SPAG9: variants seen among roughly 807,000 people sequenced by gnomAD.
The protein encoded by SPAG9 is C-Jun-amino-terminal kinase-interacting protein 4.
In SPAG9, 35 loss-of-function variants were observed where a neutral mutation model predicts 166.5. That is an observed-to-expected ratio of 0.21 (90% CI 0.16 to 0.28). The LOEUF (loss-of-function observed/expected upper bound fraction) is 0.28. Among genes scored for constraint, SPAG9 ranks in the 10% least tolerant of loss-of-function variants. The pLI is 1.00. For missense variants in SPAG9, 1,235 were observed against 1,603.3 expected (o/e 0.77, Z 3.92); for synonymous variants, 534 against 565.5 (o/e 0.94, Z 0.79).
At chr17:51,068,953 G>C (rs1011858426) in intron 2 of SPAG9, among the ~76,000 whole-genome samples, 1 of 152,104 alleles carries the variant, frequency 6.6e-6, no homozygotes, top group Non-Finnish European at 1.5e-5. Context: ...AGTAATGTTA[G>C]TGTTTGCAAA....
intron 1 of SPAG9, among the ~76,000 whole-genome samples, chr17:51,112,198 T>C (rs1028166669): frequency 1.3e-5 from 2 of 151,950 alleles, no homozygotes; most frequent in African/African-American, 4.8e-5. Context: ...CAGGGGCATA[T>C]CTCTATCTAC....
At chr17:51,119,033 C>CAAAAAAA (rs3079111) in intron 1 of SPAG9, among the ~76,000 whole-genome samples, 1 of 96,260 alleles carries the variant, frequency 1.0e-5, no homozygotes, top group Non-Finnish European at 2.0e-5. Context: ...GACTACGTCT[C>CAAAAAAA]AAAAAAAAAA....
chr17:51,045,308 T>C (rs1447302495), intron 4 of SPAG9, among the ~76,000 whole-genome samples: 1 of 152,190 alleles, frequency 6.6e-6, no homozygotes, highest in Non-Finnish European at 1.5e-5. Flanking sequence ...TATTCTTAAG[T>C]TCAGTTGCTT....
intron 3 of SPAG9, among the ~76,000 whole-genome samples, chr17:51,052,244 G>A (rs2047203033): frequency 1.3e-5 from 2 of 152,136 alleles, no homozygotes; most frequent in Admixed American, 6.5e-5. Context: ...TCCTTTCCCT[G>A]AATGTTTTCA....
chr17:51,080,192 T>C (rs972414657), intron 1 of SPAG9, among the ~76,000 whole-genome samples: 1 of 152,200 alleles, frequency 6.6e-6, no homozygotes, highest in African/African-American at 2.4e-5. Flanking sequence ...ACCAAACCTG[T>C]TCTCATCAAG....
At chr17:51,084,531 T>C (rs927417875) in intron 1 of SPAG9, among the ~76,000 whole-genome samples, 1 of 152,108 alleles carries the variant, frequency 6.6e-6, no homozygotes, top group Non-Finnish European at 1.5e-5. Flanking sequence ...CCTCAGCCTC[T>C]GCGTAGCTGG....
chr17:50,996,469 A>G (rs904235975), intron 16 of SPAG9, 96 bp downstream of exon 16: 16 of 1,400,634 alleles, frequency 1.1e-5, no homozygotes, highest in Non-Finnish European at 1.6e-5. Flanking sequence ...TGAGATGAGC[A>G]GGGCTGGGAT....
At chr17:51,023,644 A>AT (rs2046032083) in intron 6 of SPAG9, among the ~76,000 whole-genome samples, 1 of 152,010 alleles carries the variant, frequency 6.6e-6, no homozygotes, top group African/African-American at 2.4e-5. Context: ...AGTAAATCGT[A>AT]TTTTTCCAGG....
rs1299250539 is a variant in SPAG9, at chr17:50,963,574, G to A, written c.*2698C>T. On this transcript the variant is annotated 3_prime_UTR_variant, in exon 30 of 30. Transcript: ENST00000262013. The stretch of plus-strand genomic sequence containing the variant: ...ACAACTACACACCTATATTACTTAA[G>A]TTAAAGCCAGTAAGTTCAAAAAAAG... 2 of 152,116 alleles carry A rather than the reference G, an allele frequency of 1.3e-5. No individual in the cohort carries two copies. The highest frequency in any genetic ancestry group is 2.9e-5 in the Non-Finnish European group (2 of 68,026). The allele number at this position is 152,116 out of a possible 1,614,324, so 9.4% of individuals were successfully genotyped here.
At chr17:51,102,461 A>G (rs1336737182) in intron 1 of SPAG9, among the ~76,000 whole-genome samples, 2 of 151,786 alleles carry the variant, frequency 1.3e-5, no homozygotes, top group Admixed American at 1.3e-4. Flanking sequence ...AGAAGAAACG[A>G]AGAGTTAAAA....
rs1171967345 is a variant in SPAG9 at position 51,077,001 on chromosome 17, TCTAGCTAGCTAG to T, written c.424+2571_424+2582del. On this transcript the variant is annotated intron_variant, in intron 2 of 29. Transcript: ENST00000262013. ...TCTATCTTATCTAGCTATCTAGCTATCTAGCTAGCTAGCTAGCTATCTAGCTATCTATCTAGC... is the reference window on the plus strand; with the variant it reads ...TCTATCTTATCTAGCTATCTAGCTATCTAGCTATCTAGCTATCTATCTAGC... Among the ~76,000 whole-genome samples, 95 of 90,672 alleles carry T rather than the reference TCTAGCTAGCTAG, an allele frequency of 1.0e-3. 2 individuals carry two copies. Among genetic ancestry groups the T allele is most frequent in the South Asian group, 3.2e-3 (10 of 3,168 alleles). 59.5% of individuals were successfully genotyped at this position (90,672 alleles called of 152,430 possible).
chr17:50,985,848 C>G lies in SPAG9; in HGVS notation c.2940-70G>C, dbSNP rs777971367. The G allele has an allele frequency of 4.8e-6, 4 of 837,286 alleles. No homozygotes were observed. The Admixed American group carries it at 1.0e-4, about 21-fold the overall frequency. 51.9% of individuals were successfully genotyped at this position (837,286 alleles called of 1,614,324 possible). A position where few individuals can be genotyped will look rare whatever the true frequency, so the allele number is the denominator to read the frequency against. ...GACATTGCATATATCTAACAATGAT[C>G]GCGAAGTTCATTCAGAAGGAAAGAA... On this transcript the variant is annotated intron_variant, in intron 22 of 29. Transcript: ENST00000262013.
At chr17:51,015,209 C>T (rs2144111627) in intron 8 of SPAG9, among the ~76,000 whole-genome samples, 1 of 152,220 alleles carries the variant, frequency 6.6e-6, no homozygotes, top group South Asian at 2.1e-4. Flanking sequence ...AAAGCTGAAA[C>T]CTAAGCCACT....
chr17:51,046,667 G>C (rs981358210), intron 4 of SPAG9: 9 of 1,535,948 alleles, frequency 5.9e-6, no homozygotes, highest in African/African-American at 1.4e-5. Context: ...TCATGGCGCT[G>C]TGCTGGCATG....
intron 28 of SPAG9, among the ~76,000 whole-genome samples, 195 bp downstream of exon 28, chr17:50,974,574 GGA>G (rs1182259560): frequency 6.6e-6 from 1 of 152,120 alleles, no homozygotes; most frequent in Non-Finnish European, 1.5e-5. Flanking sequence ...TTTGGGGGTG[GGA>G]GAGATATTCC....
intron 1 of SPAG9, among the ~76,000 whole-genome samples, chr17:51,089,657 T>C (rs550809475): frequency 0.019 from 2,003 of 104,988 alleles, 94 homozygotes; most frequent in African/African-American, 0.074. Context: ...TATATATATA[T>C]ATATATACAC....
At chr17:50,970,987 T>C (rs974813953) in intron 28 of SPAG9, 131 bp from the exon 29 acceptor site, 9 of 717,570 alleles carry the variant, frequency 1.3e-5, no homozygotes, top group Non-Finnish European at 1.8e-5. Context: ...CTGGGGAAGC[T>C]AGAAGGCTCT....
chr17:50,974,621 T>C (rs1451276661), intron 28 of SPAG9, 150 bp downstream of exon 28: 1 of 570,296 alleles, frequency 1.8e-6, no homozygotes, highest in African/African-American at 2.0e-5. Context: ...TATAGCACCT[T>C]AGTCACACCT....
At chr17:50,996,094 C>T (rs1356030727) in intron 16 of SPAG9, 2 of 164,574 alleles carry the variant, frequency 1.2e-5, no homozygotes, top group Non-Finnish European at 2.6e-5. Flanking sequence ...CATATGTGCA[C>T]ACGTGCACAT....
Sources: gnomAD v4.1 joint callset for allele counts (sites outside exome capture counted in the v4.1 genomes callset) on GRCh38, gnomAD v4.1.1 for gene constraint, MANE v1.5 for transcripts, NCBI Gene and HGNC (gene_info 2026-07-23, HGNC 2026-07-21) for gene names.